The following CYB5D2 variants were observed in gnomAD, a reference collection of about 807,000 sequenced individuals.
CYB5D2 encodes the protein cytochrome b5 domain containing 2.
CYB5D2 carries 23 observed loss-of-function variants against 22.8 expected under a neutral mutation model. The ratio of observed to expected loss-of-function variants is 1.01; its 90% CI spans 0.73 to 1.43. The LOEUF is 1.43. CYB5D2 is among the 40% of genes most tolerant of loss of function. CYB5D2 has a pLI of 0.00. For missense variants in CYB5D2, 373 were observed against 357.2 expected, an observed-to-expected ratio of 1.04 and a Z score of -0.36; for synonymous variants, 170 against 152.2, an observed-to-expected ratio of 1.12 and a Z score of -0.86.
In CYB5D2 at chr17:4,154,878, C is replaced by G. The variant is rs200940375; in HGVS notation, c.578+18C>G. ...CAGAAGAGGTAAGCAGGCTCCCCTT[C>G]TTCTCCTTTCTGCCTGTCCCAAATC... On this transcript the variant is annotated intron_variant, in intron 3 of 3. Transcript: ENST00000301391. The G allele has an allele frequency of 1.9e-5, 30 of 1,560,816 alleles. No individual in the cohort carries two copies. The highest frequency in any genetic ancestry group is 2.6e-5 in the Non-Finnish European group (30 of 1,153,096).
intron 1 of CYB5D2, among the ~76,000 whole-genome samples, chr17:4,145,393 C>T (rs1001665622): frequency 6.6e-5 from 10 of 152,320 alleles, no homozygotes; most frequent in African/African-American, 2.4e-4. Flanking sequence ...CTCAGGGGTA[C>T]ACAGTGAGTT....
chr17:4,151,078 A>G (rs1288939161), intron 2 of CYB5D2: 1 of 152,132 alleles, frequency 6.6e-6, no homozygotes, highest in African/African-American at 2.4e-5. Context: ...TTCTGTCATC[A>G]CTGCTTGAGT....
chr17:4,152,022 G>A (rs903508302), intron 2 of CYB5D2, among the ~76,000 whole-genome samples: 6 of 148,868 alleles, frequency 4.0e-5, no homozygotes, highest in Non-Finnish European at 6.0e-5. Flanking sequence ...AAAAAAAAAA[G>A]AACAGAGTCC....
At chr17:4,144,092 A>AT in intron 1 of CYB5D2, 87 bp downstream of exon 1, 1 of 1,487,686 alleles carries the variant, frequency 6.7e-7, no homozygotes, top group African/African-American at 1.4e-5. Flanking sequence ...TTATTCATCT[A>AT]TTTCCCCCCC....
chr17:4,153,533 G>A (rs1041110541), intron 2 of CYB5D2, among the ~76,000 whole-genome samples: 1 of 152,200 alleles, frequency 6.6e-6, no homozygotes, highest in Admixed American at 6.5e-5. Context: ...TCAGGCATCG[G>A]AGAGCCATGG....
intron 1 of CYB5D2, 93 bp downstream of exon 1, chr17:4,144,098 C>G: frequency 2.7e-6 from 4 of 1,473,578 alleles, no homozygotes; most frequent in Admixed American, 4.5e-5. Flanking sequence ...ATCTATTTCC[C>G]CCCCCATCCC....
chr17:4,153,387 G>GC (rs1342627507), intron 2 of CYB5D2, among the ~76,000 whole-genome samples: 3 of 152,048 alleles, frequency 2.0e-5, no homozygotes, highest in African/African-American at 7.3e-5. Flanking sequence ...GTGTGCTGGA[G>GC]CCCCCCGTGA....
At chr17:4,150,272 G>A (rs757603788) in intron 2 of CYB5D2, among the ~76,000 whole-genome samples, 5 of 152,114 alleles carry the variant, frequency 3.3e-5, no homozygotes, top group South Asian at 2.1e-4. Context: ...CCTCAGTTTC[G>A]CCATAGCCAG....
chr17:4,153,744 C>T (rs2059082505), intron 2 of CYB5D2, among the ~76,000 whole-genome samples: 3 of 152,000 alleles, frequency 2.0e-5, no homozygotes, highest in African/African-American at 7.3e-5. Flanking sequence ...CTGATGGATC[C>T]GATCAGACAG....
chr17:4,153,933 T>C (rs867235426), intron 2 of CYB5D2, among the ~76,000 whole-genome samples: 1 of 152,234 alleles, frequency 6.6e-6, no homozygotes, highest in Non-Finnish European at 1.5e-5. Flanking sequence ...AGCTAGTTCT[T>C]AGGGGTTGCT....
chr17:4,144,746 T>C (rs1555617673), intron 1 of CYB5D2, among the ~76,000 whole-genome samples: 3 of 152,166 alleles, frequency 2.0e-5, no homozygotes, highest in South Asian at 2.1e-4. Context: ...CCTGAAACCC[T>C]CACACCTGAA....
In CYB5D2 at chr17:4,143,636, A is replaced by G; in HGVS notation, c.-120A>G. 2.6e-6 allele frequency: 3 copies of G among 1,175,326 alleles called. No homozygotes were observed. The highest frequency in any genetic ancestry group is 3.6e-6 in the Non-Finnish European group (3 of 842,950). The allele number at this position is 1,175,326 out of a possible 1,614,324, so 72.8% of individuals were successfully genotyped here. A position where few individuals can be genotyped will look rare whatever the true frequency, so the allele number is the denominator to read the frequency against. On this transcript the variant is annotated 5_prime_UTR_variant, in exon 1 of 4. Coordinates refer to ENST00000301391, the MANE Select transcript of CYB5D2 (RefSeq NM_144611.4). The stretch of plus-strand genomic sequence containing the variant: ...GACTAAGGGAGGGAGCGCGAGCACT[A>G]GCGCGCGAGAGAGAGAGCGAGAGCG...
chr17:4,143,616 A>T lies in CYB5D2; in HGVS notation c.-140A>T. 8.2e-7 allele frequency: 1 copy of T among 1,218,654 alleles called. No individual in the cohort carries two copies. The highest frequency in any genetic ancestry group is 1.1e-6 in the Non-Finnish European group (1 of 873,292). The allele number at this position is 1,218,654 out of a possible 1,614,324, so 75.5% of individuals were successfully genotyped here. ...AATACAGATAAAACGAGAGAGACTA[A>T]GGGAGGGAGCGCGAGCACTAGCGCG... is the stretch of plus-strand genomic sequence containing the variant. On this transcript the variant is annotated 5_prime_UTR_variant, in exon 1 of 4. In the 5' UTR this introduces an upstream ATG that the reference lacks. Coordinates refer to ENST00000301391, the MANE Select transcript of CYB5D2 (RefSeq NM_144611.4).
At chr17:4,144,089 T>C in intron 1 of CYB5D2, 84 bp downstream of exon 1, 2 of 1,498,786 alleles carry the variant, frequency 1.3e-6, no homozygotes, top group African/African-American at 1.4e-5. Flanking sequence ...TCATTATTCA[T>C]CTATTTCCCC....
chr17:4,148,607 G>T (rs1247878843), intron 1 of CYB5D2, among the ~76,000 whole-genome samples: 1 of 151,856 alleles, frequency 6.6e-6, no homozygotes, highest in Admixed American at 6.6e-5. Context: ...CGGAGGCCAA[G>T]GTGGGTGGAT....
At chr17:4,156,826 G>A in intron 3 of CYB5D2, 40 bp from the exon 4 acceptor site, 1 of 1,605,782 alleles carries the variant, frequency 6.2e-7, no homozygotes, top group Non-Finnish European at 8.5e-7. Context: ...AGACTCATGA[G>A]TTCTCACATT....
chr17:4,148,994 G>T (rs557379767), intron 1 of CYB5D2, among the ~76,000 whole-genome samples: 10 of 150,326 alleles, frequency 6.7e-5, no homozygotes, highest in South Asian at 2.1e-4. Flanking sequence ...ACCCTGTCAC[G>T]CAGGCTGGAG....
rs2059123438 is a variant in CYB5D2 at position 4,157,352 on chromosome 17, T to C, written c.*270T>C. 1 of 527,788 alleles carries C rather than the reference T, an allele frequency of 1.9e-6. No individual in the cohort carries two copies. Among genetic ancestry groups the C allele is most frequent in the South Asian group, 2.2e-5 (1 of 45,712 alleles). The allele number at this position is 527,788 out of a possible 1,614,324, so 32.7% of individuals were successfully genotyped here. Reference sequence around the variant, plus strand: ...CCATCTTCCTCACAGCCCTCAGATATCAACGGGCACAAATAAGACCAACTC... The same window carrying C: ...CCATCTTCCTCACAGCCCTCAGATACCAACGGGCACAAATAAGACCAACTC... On this transcript the variant is annotated 3_prime_UTR_variant, in exon 4 of 4. Coordinates refer to ENST00000301391, the MANE Select transcript of CYB5D2 (RefSeq NM_144611.4). The surrounding 1 kb of genome is among the most constrained non-coding windows in gnomAD (Gnocchi z 4.4).
chr17:4,145,418 G>A (rs2058978612), intron 1 of CYB5D2, among the ~76,000 whole-genome samples: 1 of 152,242 alleles, frequency 6.6e-6, no homozygotes, highest in Admixed American at 6.5e-5. Flanking sequence ...GCAGAGCTGG[G>A]ACTGGAATCA....
Sources: gnomAD v4.1 joint callset for allele counts (sites outside exome capture counted in the v4.1 genomes callset) on GRCh38, gnomAD v4.1.1 for gene constraint, Gnocchi (gnomAD v3.1) non-coding constraint, MANE v1.5 for transcripts, NCBI Gene and HGNC (gene_info 2026-07-23, HGNC 2026-07-21) for gene names.